The following RBFOX1 variants were observed in gnomAD, a reference collection of about 807,000 sequenced individuals.
The protein encoded by RBFOX1 is RNA binding protein fox-1 homolog 1.
RBFOX1 carries 8 observed loss-of-function variants against 57.7 expected under a neutral mutation model. The observed-to-expected ratio is 0.14, with a 90% CI of 0.08 to 0.25. The LOEUF is 0.25. Ranked by LOEUF, RBFOX1 falls within the 10% of genes least tolerant of loss-of-function variation. The pLI is 1.00. For missense variants in RBFOX1, 611 were observed against 548.5 expected, an observed-to-expected ratio of 1.11 and a Z score of -1.14; for synonymous variants, 326 against 222.4, an observed-to-expected ratio of 1.47 and a Z score of -4.15.
intron 4 of RBFOX1, among the ~76,000 whole-genome samples, chr16:7,138,830 A>T (rs1043920397): frequency 6.6e-6 from 1 of 152,152 alleles, no homozygotes; most frequent in African/African-American, 2.4e-5. Flanking sequence ...TTTTTATAAG[A>T]TGGAGTCTGG....
chr16:6,002,221 C>A (rs559141917), intron 4 of RBFOX1, among the ~76,000 whole-genome samples: 4 of 152,144 alleles, frequency 2.6e-5, no homozygotes, highest in African/African-American at 9.7e-5. Context: ...AAATGATCCT[C>A]CCGCCCCAGC....
At chr16:7,404,652 G>C (rs1370841024) in intron 4 of RBFOX1, among the ~76,000 whole-genome samples, 1 of 152,184 alleles carries the variant, frequency 6.6e-6, no homozygotes, top group African/African-American at 2.4e-5. Flanking sequence ...TGTGCTGCCA[G>C]CGTTGGAAAT....
chr16:7,042,481 A>G (rs1478445304), intron 3 of RBFOX1, among the ~76,000 whole-genome samples: 1 of 152,238 alleles, frequency 6.6e-6, no homozygotes, highest in Non-Finnish European at 1.5e-5. Context: ...TGGAGCTAAA[A>G]TCAAATCAGC....
At chr16:7,191,322 C>A (rs148057696) in intron 4 of RBFOX1, among the ~76,000 whole-genome samples, 2 of 140,346 alleles carry the variant, frequency 1.4e-5, no homozygotes, top group African/African-American at 2.7e-5. Context: ...ACGTATAATC[C>A]GTTGCTGACA....
At chr16:6,654,774 T>A (rs141437019) in intron 3 of RBFOX1, 124 bp downstream of exon 3, 24 of 639,468 alleles carry the variant, frequency 3.8e-5, no homozygotes, top group African/African-American at 3.6e-4. Context: ...CTATGACATA[T>A]TTAAAGACAA....
intron 4 of RBFOX1, among the ~76,000 whole-genome samples, chr16:7,272,534 A>C (rs1415001018): frequency 6.6e-6 from 1 of 152,134 alleles, no homozygotes; most frequent in Non-Finnish European, 1.5e-5. Context: ...TGCATCATTC[A>C]TTCATTCATC....
chr16:7,248,887 C>G (rs906016162), intron 4 of RBFOX1, among the ~76,000 whole-genome samples: 8 of 152,136 alleles, frequency 5.3e-5, no homozygotes, highest in African/African-American at 1.9e-4. Flanking sequence ...CATAACAAGG[C>G]AAATGTTGCT....
At chr16:5,639,641 A>T (rs561016169) in intron 3 of RBFOX1, among the ~76,000 whole-genome samples, 8 of 152,280 alleles carry the variant, frequency 5.3e-5, no homozygotes, top group Non-Finnish European at 1.0e-4. Flanking sequence ...TCATCACTGT[A>T]GTGCTGCTGT....
chr16:7,529,657 C>A (rs1448706824), intron 5 of RBFOX1, among the ~76,000 whole-genome samples: 3 of 152,142 alleles, frequency 2.0e-5, no homozygotes, highest in Non-Finnish European at 4.4e-5. Flanking sequence ...TTTTTGTTAT[C>A]TGTCCAGCCT....
chr16:6,008,636 G>A (rs1361139317), intron 4 of RBFOX1, among the ~76,000 whole-genome samples: 1 of 152,200 alleles, frequency 6.6e-6, no homozygotes, highest in Admixed American at 6.5e-5. Context: ...AGGGGAGTTT[G>A]AAGATGGAGC....
chr16:6,505,782 T>C (rs2096072673), intron 2 of RBFOX1, among the ~76,000 whole-genome samples: 1 of 152,196 alleles, frequency 6.6e-6, no homozygotes, highest in African/African-American at 2.4e-5. Flanking sequence ...CATAAGAGAA[T>C]TCCTTGGAGG....
chr16:5,797,925 A>G (rs943697243), intron 3 of RBFOX1, among the ~76,000 whole-genome samples: 2 of 152,290 alleles, frequency 1.3e-5, no homozygotes, highest in East Asian at 1.9e-4. Context: ...GGTTAATTGG[A>G]TGGGACACCA....
chr16:7,026,562 T>G (rs1271495718), intron 3 of RBFOX1, among the ~76,000 whole-genome samples: 1 of 152,062 alleles, frequency 6.6e-6, no homozygotes, highest in African/African-American at 2.4e-5. Flanking sequence ...ATACGGCTTC[T>G]CCCCGTCCCC....
chr16:5,493,214 T>C (rs2042892165), intron 2 of RBFOX1, among the ~76,000 whole-genome samples: 1 of 152,222 alleles, frequency 6.6e-6, no homozygotes, highest in Non-Finnish European at 1.5e-5. Flanking sequence ...AAATTTTTTA[T>C]TTGCTTATTT....
intron 3 of RBFOX1, among the ~76,000 whole-genome samples, chr16:6,737,430 A>T (rs893662758): frequency 6.6e-6 from 1 of 152,230 alleles, no homozygotes; most frequent in Non-Finnish European, 1.5e-5. Context: ...GTATTAAAAT[A>T]GAATTCAAAT....
intron 4 of RBFOX1, among the ~76,000 whole-genome samples, chr16:7,191,177 C>A (rs1478902297): frequency 1.3e-5 from 2 of 152,066 alleles, no homozygotes. Context: ...AAAGGAAACC[C>A]CTTTCAACCC....
chr16:7,073,925 C>A (rs2057836668), intron 4 of RBFOX1, among the ~76,000 whole-genome samples: 1 of 152,004 alleles, frequency 6.6e-6, no homozygotes, highest in Admixed American at 6.6e-5. Flanking sequence ...CAATCCAGAG[C>A]AGTGTTTGGC....
At chr16:7,054,868 G>A (rs985409734) in intron 4 of RBFOX1, among the ~76,000 whole-genome samples, 1 of 152,142 alleles carries the variant, frequency 6.6e-6, no homozygotes, top group African/African-American at 2.4e-5. Context: ...GTGGATAGTT[G>A]TCAAATTTAT....
chr16:5,680,862 G>C (rs768004936), intron 3 of RBFOX1, among the ~76,000 whole-genome samples: 1 of 151,688 alleles, frequency 6.6e-6, no homozygotes, highest in African/African-American at 2.4e-5. Context: ...TGAACAAGAC[G>C]TGCAAGTTCC....
Sources: allele counts gnomAD v4.1 joint callset (sites outside exome capture counted in the v4.1 genomes callset), GRCh38; gene constraint gnomAD v4.1.1; transcripts MANE v1.5; gene names NCBI Gene and HGNC (gene_info 2026-07-23, HGNC 2026-07-21).